The following BLTP3A variants were observed in gnomAD, a reference collection of about 807,000 sequenced individuals.
BLTP3A encodes the protein bridge-like lipid transfer protein family member 3A.
the BLTP3A span, chr6:34,857,612 G>A: frequency 6.9e-7 from 1 of 1,447,712 alleles, no homozygotes; most frequent in Non-Finnish European, 9.4e-7. Flanking sequence ...TAAACACTCT[G>A]CCCTGTATAA....
At chr6:34,857,618 TA>T in the BLTP3A span, 1 of 1,448,142 alleles carries the variant, frequency 6.9e-7, no homozygotes, top group Admixed American at 2.0e-5. Context: ...CTCTGCCCTG[TA>T]TAAATGTGTA....
the BLTP3A span, among the ~76,000 whole-genome samples, chr6:34,849,727 C>G: frequency 1.3e-4 from 20 of 152,172 alleles, no homozygotes; most frequent in Non-Finnish European, 2.6e-4. Flanking sequence ...ATTGAAAGAA[C>G]TCCCTTTAGC....
At chr6:34,811,462 G>A in the BLTP3A span, among the ~76,000 whole-genome samples, 1 of 152,128 alleles carries the variant, frequency 6.6e-6, no homozygotes, top group Non-Finnish European at 1.5e-5. Flanking sequence ...AGCCACGTGC[G>A]ATGGCTCACA....
chr6:34,792,126 T>TGGCGGCGGCGGCGGCGGCGGCGGC, the BLTP3A span: 8,645 of 709,698 alleles, frequency 0.012, 98 homozygotes, highest in Middle Eastern at 0.017. Context: ...GAAAGCGCCA[T>TGGCGGCGGCGGCGGCGGCGGCGGC]GGCGGCGGCG....
chr6:34,803,684 G>T, the BLTP3A span, among the ~76,000 whole-genome samples: 1 of 152,130 alleles, frequency 6.6e-6, no homozygotes. Context: ...AAAGTTCCCA[G>T]TTTGTTTTTG....
At chr6:34,833,863 A>C in the BLTP3A span, among the ~76,000 whole-genome samples, 2 of 135,432 alleles carry the variant, frequency 1.5e-5, no homozygotes. Context: ...TAGAGATTGC[A>C]GGTGGCCGAG....
At chr6:34,792,787 C>A in the BLTP3A span, among the ~76,000 whole-genome samples, 1 of 152,198 alleles carries the variant, frequency 6.6e-6, no homozygotes, top group Non-Finnish European at 1.5e-5. Flanking sequence ...ATGCCCCTGC[C>A]CGTTCTAAAT....
the BLTP3A span, among the ~76,000 whole-genome samples, chr6:34,842,281 A>G: frequency 3.9e-5 from 6 of 152,212 alleles, no homozygotes; most frequent in African/African-American, 1.4e-4. Context: ...ATTGAGATAC[A>G]ATCTCACACC....
the BLTP3A span, chr6:34,836,387 G>A: frequency 1.3e-4 from 200 of 1,585,626 alleles, no homozygotes; most frequent in Non-Finnish European, 1.7e-4. Context: ...GGTGGTCCAC[G>A]TCACTGTCTA....
chr6:34,808,346 CAAAAAAAAAAAA>C, the BLTP3A span, among the ~76,000 whole-genome samples: 1 of 26,734 alleles, frequency 3.7e-5, no homozygotes, highest in Non-Finnish European at 6.6e-5. Context: ...AACTCCGTCT[CAAAAAAAAAAAA>C]AAAAAAAAAA....
the BLTP3A span, among the ~76,000 whole-genome samples, chr6:34,799,028 A>C: frequency 6.6e-6 from 1 of 151,554 alleles, no homozygotes; most frequent in Admixed American, 6.6e-5. Context: ...AGCAACCCCC[A>C]CCTCCTGGGC....
At chr6:34,797,796 C>A in the BLTP3A span, among the ~76,000 whole-genome samples, 1 of 152,244 alleles carries the variant, frequency 6.6e-6, no homozygotes, top group Admixed American at 6.5e-5. Flanking sequence ...CCCATAATAA[C>A]CCTATGAGGT....
chr6:34,858,148 G>A, the BLTP3A span: 1 of 1,613,684 alleles, frequency 6.2e-7, no homozygotes, highest in Non-Finnish European at 8.5e-7. Flanking sequence ...GGAAAAGAGA[G>A]AGCGGGCAGA....
the BLTP3A span, among the ~76,000 whole-genome samples, chr6:34,868,265 C>T: frequency 4.0e-5 from 6 of 151,430 alleles, no homozygotes; most frequent in Admixed American, 4.0e-4. Context: ...GAGATCGTGC[C>T]ATTGCACTGC....
chr6:34,802,108 G>T, the BLTP3A span, among the ~76,000 whole-genome samples: 2 of 152,126 alleles, frequency 1.3e-5, no homozygotes, highest in African/African-American at 2.4e-5. Flanking sequence ...ACTTTACCAA[G>T]AATTTGTCAC....
the BLTP3A span, among the ~76,000 whole-genome samples, chr6:34,843,776 G>C: frequency 6.6e-6 from 1 of 152,162 alleles, no homozygotes; most frequent in Non-Finnish European, 1.5e-5. Context: ...GGGATTGCCT[G>C]ATCATATGGT....
the BLTP3A span, among the ~76,000 whole-genome samples, chr6:34,844,631 A>G: frequency 6.6e-6 from 1 of 152,072 alleles, no homozygotes; most frequent in Non-Finnish European, 1.5e-5. Flanking sequence ...GCACTTTTTC[A>G]TATGCCTGTT....
the BLTP3A span, among the ~76,000 whole-genome samples, chr6:34,829,547 A>G: frequency 1.3e-5 from 2 of 152,284 alleles, no homozygotes; most frequent in Admixed American, 6.5e-5. Context: ...ATATGTTTGT[A>G]GTTCATTCTT....
the BLTP3A span, chr6:34,857,636 C>CTCT: frequency 6.8e-7 from 1 of 1,469,454 alleles, no homozygotes; most frequent in East Asian, 2.3e-5. Context: ...TGTACCTTTG[C>CTCT]TCTGTTCGTA....
Sources: gnomAD v4.1 joint callset for allele counts (sites outside exome capture counted in the v4.1 genomes callset) on GRCh38, gnomAD v4.1.1 for gene constraint, MANE v1.5 for transcripts, NCBI Gene and HGNC (gene_info 2026-07-23, HGNC 2026-07-21) for gene names.